PPP1R9A: variants seen among roughly 807,000 people sequenced by gnomAD.
PPP1R9A encodes protein phosphatase 1 regulatory subunit 9A, also known as neurabin-1.
PPP1R9A carries 59 observed loss-of-function variants against 141.9 expected under a neutral mutation model. That is an observed-to-expected ratio of 0.42 (90% CI 0.34 to 0.52). The LOEUF (loss-of-function observed/expected upper bound fraction) is 0.52. Ranked by LOEUF, PPP1R9A falls within the 20% of genes least tolerant of loss-of-function variation. The probability of loss-of-function intolerance (pLI) is 0.10; values close to 1 mark genes in which losing one functional copy is unlikely to be tolerated. For synonymous variants in PPP1R9A, 500 were observed against 569.7 expected (o/e 0.88, Z 1.74); for missense variants, 1,444 against 1,611.9 (o/e 0.90, Z 1.78).
At chr7:95,012,019 A>G (rs1395553308) in intron 2 of PPP1R9A, among the ~76,000 whole-genome samples, 1 of 152,194 alleles carries the variant, frequency 6.6e-6, no homozygotes, top group Non-Finnish European at 1.5e-5. Flanking sequence ...AGCCAACAAT[A>G]TGATAAAGCT....
intron 2 of PPP1R9A, among the ~76,000 whole-genome samples, chr7:95,104,321 C>T (rs963704542): frequency 3.9e-5 from 6 of 152,074 alleles, no homozygotes; most frequent in African/African-American, 1.4e-4. Flanking sequence ...GTTGCAACTG[C>T]TTTAAGTAAA....
intron 12 of PPP1R9A, among the ~76,000 whole-genome samples, chr7:95,256,305 C>A (rs1473539447): frequency 6.6e-6 from 1 of 151,810 alleles, no homozygotes; most frequent in Non-Finnish European, 1.5e-5. Context: ...GTAAACAACA[C>A]AAAATTGTTT....
At chr7:95,151,939 A>ATTTTTTTTTT (rs1563319181) in intron 4 of PPP1R9A, among the ~76,000 whole-genome samples, 1 of 116,078 alleles carries the variant, frequency 8.6e-6, no homozygotes, top group African/African-American at 3.4e-5. Flanking sequence ...AGTACTGAGA[A>ATTTTTTTTTT]TCTTTTTTTT....
intron 2 of PPP1R9A, among the ~76,000 whole-genome samples, chr7:94,965,420 C>T (rs1266597092): frequency 2.0e-5 from 3 of 152,034 alleles, no homozygotes; most frequent in African/African-American, 7.3e-5. Flanking sequence ...ATGGTACTGC[C>T]TAGATTTTCT....
rs184756571 is a variant in PPP1R9A, at chr7:95,029,394, T to G, written c.1396-81865T>G. Among the ~76,000 whole-genome samples, 222 of 152,310 alleles carry G rather than the reference T, an allele frequency of 1.5e-3. 2 individuals are homozygous for G. Among genetic ancestry groups the G allele is most frequent in the African/African-American group, 4.8e-3 (198 of 41,576 alleles). On this transcript the variant is annotated intron_variant, in intron 2 of 19. Transcript: ENST00000433360. The stretch of plus-strand genomic sequence containing the variant: ...CATTGGAAGTAGACCAGATTTTGAT[T>G]TATAAAAAATATTTGGAAAAACAAT...
intron 2 of PPP1R9A, among the ~76,000 whole-genome samples, chr7:95,068,520 A>G (rs1813308025): frequency 6.6e-6 from 1 of 151,944 alleles, no homozygotes; most frequent in South Asian, 2.1e-4. Context: ...AAAAAGCAAA[A>G]GTGACATTCA....
At chr7:94,913,741 G>T (rs1036117399) in intron 2 of PPP1R9A, among the ~76,000 whole-genome samples, 4 of 151,982 alleles carry the variant, frequency 2.6e-5, no homozygotes, top group Admixed American at 6.6e-5. Context: ...GCAGAGGGTG[G>T]TAATACCTTA....
intron 2 of PPP1R9A, among the ~76,000 whole-genome samples, chr7:95,087,573 T>G (rs1334457068): frequency 1.3e-5 from 2 of 151,968 alleles, no homozygotes; most frequent in Non-Finnish European, 2.9e-5. Flanking sequence ...CATTTAACCT[T>G]GAAGGATAAG....
In PPP1R9A at chr7:95,290,157, T is replaced by C. The variant is rs146833796; in HGVS notation, c.3979T>C (p.Ser1327Pro). The C allele has an allele frequency of 1.9e-6, 3 of 1,613,806 alleles. No homozygotes were observed. The African/African-American group carries it at 4.0e-5, about 22-fold the overall frequency. The change falls in exon 20 of 20, where the codon TCT (serine) becomes CCT (proline). Residue 1327 changes from serine to proline, a missense_variant. Coordinates refer to ENST00000433360, the MANE Select transcript of PPP1R9A (RefSeq NM_001166160.2). ...VKKKLKEMKM[S>P]LEKARKAQEK... ...AAAGAAACTCAAGGAAATGAAGATG[T>C]CTCTAGAGAAGGCTCGGAAGGCCCA...
chr7:95,214,435 T>C (rs1482156125), intron 7 of PPP1R9A: 1 of 152,192 alleles, frequency 6.6e-6, no homozygotes, highest in African/African-American at 2.4e-5. Flanking sequence ...GGCCTCTCCC[T>C]GCTCATAAGA....
intron 12 of PPP1R9A, among the ~76,000 whole-genome samples, chr7:95,253,196 A>G (rs909017432): frequency 1.2e-4 from 18 of 152,192 alleles, no homozygotes; most frequent in Admixed American, 1.3e-4. Context: ...TGAAAATAAA[A>G]GAATGTGGTG....
chr7:95,259,472 G>C (rs1800105842), intron 12 of PPP1R9A, among the ~76,000 whole-genome samples: 1 of 152,158 alleles, frequency 6.6e-6, no homozygotes, highest in Non-Finnish European at 1.5e-5. Flanking sequence ...GCATCAGCCA[G>C]ACATTTATAT....
intron 16 of PPP1R9A, among the ~76,000 whole-genome samples, chr7:95,277,362 C>A (rs1486662752): frequency 6.6e-6 from 1 of 152,076 alleles, no homozygotes; most frequent in East Asian, 1.9e-4. Context: ...AACAAATAAA[C>A]CCAACAAAGA....
At chr7:95,063,915 A>G (rs146137423) in intron 2 of PPP1R9A, among the ~76,000 whole-genome samples, 1 of 152,332 alleles carries the variant, frequency 6.6e-6, no homozygotes, top group East Asian at 1.9e-4. Context: ...GTGTGGGGGC[A>G]GGTTTTACCA....
At chr7:95,019,884 C>T in intron 2 of PPP1R9A, among the ~76,000 whole-genome samples, 1 of 152,108 alleles carries the variant, frequency 6.6e-6, no homozygotes, top group East Asian at 1.9e-4. Flanking sequence ...AACATGTGCC[C>T]ATACAGAAAT....
chr7:94,939,924 T>C (rs1163820252), intron 2 of PPP1R9A, among the ~76,000 whole-genome samples: 1 of 151,870 alleles, frequency 6.6e-6, no homozygotes, highest in Non-Finnish European at 1.5e-5. Context: ...TTCCTTACCT[T>C]GACCTGTGCT....
intron 2 of PPP1R9A, among the ~76,000 whole-genome samples, chr7:95,108,307 CTT>C (rs1166103728): frequency 0.018 from 1,041 of 59,296 alleles, 6 homozygotes; most frequent in African/African-American, 0.073. Flanking sequence ...CGTTTCTTTT[CTT>C]TTTTTTTTTT....
intron 8 of PPP1R9A, among the ~76,000 whole-genome samples, chr7:95,246,713 G>C (rs943089248): frequency 6.6e-5 from 10 of 152,074 alleles, no homozygotes; most frequent in Non-Finnish European, 8.8e-5. Flanking sequence ...TCTTAAATTT[G>C]GGAGTATTTA....
In PPP1R9A at chr7:95,269,889, G is replaced by A. The variant is rs561646829; in HGVS notation, c.3124+382G>A. 1.1e-4 allele frequency among the ~76,000 whole-genome samples: 16 copies of A among 152,240 alleles called. No homozygotes were observed. In the East Asian group the frequency reaches 2.7e-3, roughly 26 times the overall value. ...GCCCAGAGTTTCAGTAAACACTAAC[G>A]TAGTCATATAGGAAAAAAAGACGAA... On this transcript the variant is annotated intron_variant, in intron 14 of 19. Transcript: ENST00000433360.
Sources: gnomAD v4.1 joint callset for allele counts (sites outside exome capture counted in the v4.1 genomes callset) on GRCh38, gnomAD v4.1.1 for gene constraint, MANE v1.5 for transcripts, NCBI Gene and HGNC (gene_info 2026-07-23, HGNC 2026-07-21) for gene names.